PKHD1: variants seen among roughly 807,000 people sequenced by gnomAD.
The protein encoded by PKHD1 is PKHD1 ciliary IPT domain containing fibrocystin/polyductin.
In PKHD1, 291 loss-of-function variants were observed where a neutral mutation model predicts 412.0. That is an observed-to-expected ratio of 0.71 (90% CI 0.64 to 0.78). The LOEUF (loss-of-function observed/expected upper bound fraction) is 0.78. Among genes scored for constraint, PKHD1 ranks in the 30% least tolerant of loss-of-function variants. The pLI is 0.00. For synonymous variants in PKHD1, 1,777 were observed against 1,821.5 expected (o/e 0.98, Z 0.62); for missense variants, 4,825 against 4,950.7 (o/e 0.97, Z 0.76).
At chr6:51,789,789 A>G (rs1228576516) in intron 53 of PKHD1, among the ~76,000 whole-genome samples, 2 of 152,174 alleles carry the variant, frequency 1.3e-5, no homozygotes, top group Non-Finnish European at 2.9e-5. Flanking sequence ...AAACTGTATG[A>G]CCTAAAACAG....
At chr6:51,757,033 C>T (rs1458064590) in intron 55 of PKHD1, among the ~76,000 whole-genome samples, 2 of 152,064 alleles carry the variant, frequency 1.3e-5, no homozygotes, top group East Asian at 1.9e-4. Flanking sequence ...TCTAATGACC[C>T]CTAATCAGAC....
At chr6:52,036,534 C>G (rs983761511) in intron 27 of PKHD1, among the ~76,000 whole-genome samples, 6 of 152,196 alleles carry the variant, frequency 3.9e-5, no homozygotes, top group Admixed American at 2.6e-4. Flanking sequence ...AGCCTTACCC[C>G]CCCTTGAGGG....
intron 35 of PKHD1, among the ~76,000 whole-genome samples, chr6:52,000,043 C>T (rs1035879087): frequency 5.3e-5 from 8 of 152,206 alleles, no homozygotes; most frequent in African/African-American, 1.9e-4. Context: ...TACTACTATG[C>T]ATTCAAGAAA....
At chr6:51,687,310 T>C (rs1215058041) in intron 60 of PKHD1, among the ~76,000 whole-genome samples, 1 of 152,212 alleles carries the variant, frequency 6.6e-6, no homozygotes, top group Admixed American at 6.5e-5. Flanking sequence ...TGCATTTGTA[T>C]GGCACATTTT....
chr6:51,921,266 A>G (rs1784655722), intron 37 of PKHD1, among the ~76,000 whole-genome samples: 1 of 152,144 alleles, frequency 6.6e-6, no homozygotes, highest in South Asian at 2.1e-4. Flanking sequence ...AATTAGTGCG[A>G]TAAATTATAA....
At chr6:51,785,042 A>G (rs551286370) in intron 53 of PKHD1, among the ~76,000 whole-genome samples, 3 of 152,246 alleles carry the variant, frequency 2.0e-5, no homozygotes, top group African/African-American at 7.2e-5. Context: ...GTTTCCCCCA[A>G]TAAAATAATG....
Position 51,947,546 on chromosome 6 carries a change from G to A in PKHD1, c.5908+12324C>T, listed in dbSNP as rs191893810. 4.2e-3 allele frequency among the ~76,000 whole-genome samples: 647 copies of A among 152,242 alleles called. 2 individuals carry two copies. Among genetic ancestry groups the A allele is most frequent in the Non-Finnish European group, 6.4e-3 (435 of 68,016 alleles). On this transcript the variant is annotated intron_variant, in intron 36 of 66. Transcript: ENST00000371117. ...TGACTCAATGACAGTGAGCACATGG[G>A]ACTTTTCTAATTAAGTAGGTTGGGT...
intron 55 of PKHD1, among the ~76,000 whole-genome samples, chr6:51,764,860 C>G (rs571752984): frequency 6.6e-6 from 1 of 152,130 alleles, no homozygotes; most frequent in East Asian, 1.9e-4. Flanking sequence ...CCCTCTGCTT[C>G]TCAATCACCT....
chr6:52,082,266 T>G, intron 4 of PKHD1, 126 bp downstream of exon 4: 1 of 972,032 alleles, frequency 1.0e-6, no homozygotes, highest in Non-Finnish European at 1.6e-6. Flanking sequence ...CACATGAAAC[T>G]TTTTTTAACA....
intron 37 of PKHD1, among the ~76,000 whole-genome samples, chr6:51,929,033 G>A (rs1225260593): frequency 6.6e-6 from 1 of 152,140 alleles, no homozygotes; most frequent in African/African-American, 2.4e-5. Context: ...GGGAACGAGA[G>A]ACAGAAGAAA....
At chr6:51,973,759 C>T (rs1224123757) in intron 35 of PKHD1, among the ~76,000 whole-genome samples, 3 of 152,178 alleles carry the variant, frequency 2.0e-5, no homozygotes, top group Non-Finnish European at 4.4e-5. Context: ...GTTCAACTTG[C>T]TGAGGATTAA....
In PKHD1 at chr6:52,042,990, G is replaced by C; in HGVS notation, c.2966C>G (p.Pro989Arg). The C allele has an allele frequency of 6.2e-7, 1 of 1,614,026 alleles. No individual in the cohort carries two copies. Among genetic ancestry groups the C allele is most frequent in the Non-Finnish European group, 8.5e-7 (1 of 1,179,924 alleles). ...CATCAAGATCCGATGCATTCCAACAGGTAGCAAATCTGTCTGACAGACTAC... is the reference window on the plus strand; with the variant it reads ...CATCAAGATCCGATGCATTCCAACACGTAGCAAATCTGTCTGACAGACTAC... ...TNVVCQTDLL[P>R]VGMHRILMLV... The change falls in exon 27 of 67, where the codon CCT (proline) becomes CGT (arginine). Residue 989 changes from proline (P) to arginine (R), a missense_variant. Transcript: ENST00000371117.
intron 20 of PKHD1, 97 bp downstream of exon 20, chr6:52,053,941 A>G: frequency 2.3e-6 from 3 of 1,287,898 alleles, no homozygotes; most frequent in Non-Finnish European, 3.4e-6. Flanking sequence ...AGGCCCAAAT[A>G]TAAGACCATT....
At chr6:51,683,728 T>A (rs1015046648) in intron 60 of PKHD1, among the ~76,000 whole-genome samples, 1 of 152,048 alleles carries the variant, frequency 6.6e-6, no homozygotes, top group African/African-American at 2.4e-5. Flanking sequence ...AAGAATGTAA[T>A]TTTCTAGCTC....
rs17638535 is a variant in PKHD1, at chr6:52,069,294, G to A, written c.778+163C>T. 0.013 allele frequency among the ~76,000 whole-genome samples: 1,993 copies of A among 152,236 alleles called. 24 individuals are homozygous for A. Among genetic ancestry groups the A allele is most frequent in the South Asian group, 0.039 (187 of 4,826 alleles). On this transcript the variant is annotated intron_variant, in intron 11 of 66. Transcript: ENST00000371117. ...TAATATATTAACTAAACCTGACATG[G>A]ATACAAGCAATTTAATCTCAACCAA...
intron 46 of PKHD1, among the ~76,000 whole-genome samples, chr6:51,874,168 G>A (rs1442041111): frequency 1.3e-5 from 2 of 152,080 alleles, no homozygotes; most frequent in Non-Finnish European, 2.9e-5. Flanking sequence ...GTCTGAATAC[G>A]GTATTTTTTA....
rs142501905 is a variant in PKHD1, at chr6:51,798,574, C to T, written c.8303-7201G>A. Among the ~76,000 whole-genome samples the T allele has an allele frequency of 1.5e-3, 229 of 152,090 alleles. 2 individuals carry two copies. Among genetic ancestry groups the T allele is most frequent in the African/African-American group, 5.2e-3 (217 of 41,502 alleles). ...TTAACATTTTTGCCTCCATTTTGAC[C>T]TTGGAGAATTTGATGAGTATGTGTC... On this transcript the variant is annotated intron_variant, in intron 52 of 66. Transcript: ENST00000371117.
intron 35 of PKHD1, among the ~76,000 whole-genome samples, chr6:51,966,177 G>A (rs1006369699): frequency 6.6e-6 from 1 of 152,104 alleles, no homozygotes; most frequent in East Asian, 1.9e-4. Context: ...AGCAGGTCCT[G>A]ATGACATGTG....
chr6:51,644,086 G>A (rs940283348), intron 63 of PKHD1, among the ~76,000 whole-genome samples: 5 of 151,998 alleles, frequency 3.3e-5, no homozygotes, highest in East Asian at 1.9e-4. Context: ...GTTTAATCAC[G>A]AGATGTCAAT....
Sources: gnomAD v4.1 joint callset for allele counts (sites outside exome capture counted in the v4.1 genomes callset) on GRCh38, gnomAD v4.1.1 for gene constraint, MANE v1.5 for transcripts, NCBI Gene and HGNC (gene_info 2026-07-23, HGNC 2026-07-21) for gene names.